PUM3: variants seen among roughly 807,000 people sequenced by gnomAD.
PUM3 encodes the protein pumilio RNA binding family member 3.
In PUM3, 91 loss-of-function variants were observed where a neutral mutation model predicts 84.0. That is an observed-to-expected ratio of 1.08 (90% CI 0.91 to 1.29). The LOEUF (loss-of-function observed/expected upper bound fraction) is 1.29. PUM3 is among the 50% of genes most tolerant of loss of function. PUM3 has a pLI of 0.00. For synonymous variants in PUM3, 321 were observed against 266.7 expected (o/e 1.20, Z -1.98); for missense variants, 1,067 against 767.5 (o/e 1.39, Z -4.61).
At position 2,843,470 on chromosome 9, in the gene PUM3, G is replaced by T. The variant is rs1425973649; in HGVS notation, c.-11+575C>A. ...GGGGTTTGTGAAGTAGCACAGACAG[G>T]CTGATCAGGCCGAGCACGGGCTGGG... On this transcript the variant is annotated intron_variant, in intron 1 of 17. Coordinates refer to ENST00000397885, the MANE Select transcript of PUM3 (RefSeq NM_014878.5). Among the ~76,000 whole-genome samples the T allele has an allele frequency of 5.3e-5, 8 of 152,138 alleles. No individual in the cohort carries two copies. The East Asian group carries it at 1.5e-3, about 29-fold the overall frequency.
At chr9:2,813,801 C>A (rs368745301) in intron 13 of PUM3, among the ~76,000 whole-genome samples, 1 of 151,494 alleles carries the variant, frequency 6.6e-6, no homozygotes, top group Admixed American at 6.6e-5. Flanking sequence ...AAAATCTCAA[C>A]CTTCCCTCAT....
At chr9:2,823,169 T>A (rs1292970910) in intron 12 of PUM3, among the ~76,000 whole-genome samples, 3 of 151,902 alleles carry the variant, frequency 2.0e-5, no homozygotes, top group South Asian at 2.1e-4. Flanking sequence ...GCATGAAAAA[T>A]TATTTAATAA....
At position 2,828,724 on chromosome 9, in the gene PUM3, CT is replaced by C; in HGVS notation, c.906del (p.Glu303AsnfsTer7). 1 of 1,609,818 alleles carries C rather than the reference CT, an allele frequency of 6.2e-7. No homozygotes were observed. The highest frequency in any genetic ancestry group is 8.5e-7 in the Non-Finnish European group (1 of 1,176,246). On this transcript the variant is annotated frameshift_variant, in exon 9 of 18. Transcript: ENST00000397885. LOFTEE classifies it high-confidence loss of function. ...TGTTTCATTTCATCCATAATAAGTT[CT>C]AATTTTTCTGGCTGTACCTCTAACA... ...DKVLEVQPEK[L>X]ELIMDEMKQI...
rs189253791 is a variant in PUM3, at chr9:2,812,495, T to C, written c.1270-133A>G. 141 of 634,078 alleles carry C rather than the reference T, an allele frequency of 2.2e-4. No individual in the cohort carries two copies. The African/African-American group carries it at 2.3e-3, about 10-fold the overall frequency. 39.3% of individuals were successfully genotyped at this position (634,078 alleles called of 1,614,324 possible). On this transcript the variant is annotated intron_variant, in intron 13 of 17. Transcript: ENST00000397885. ...GATAATTTCCTATAAAATTATAGTA[T>C]ATGTGCTGCCAAAGTGAGCACAATG...
chr9:2,839,995 G>A (rs1329823464), intron 1 of PUM3, among the ~76,000 whole-genome samples: 2 of 152,084 alleles, frequency 1.3e-5, no homozygotes, highest in African/African-American at 4.8e-5. Flanking sequence ...TCCTCTTTCT[G>A]TACCAGGATA....
At chr9:2,809,036 C>T (rs972504765) in intron 16 of PUM3, among the ~76,000 whole-genome samples, 3 of 152,178 alleles carry the variant, frequency 2.0e-5, no homozygotes, top group Admixed American at 1.3e-4. Context: ...AGTCAGTACT[C>T]ACTTGCCAGC....
At position 2,830,997 on chromosome 9, in the gene PUM3, A is replaced by G. The variant is rs1169021733; in HGVS notation, c.642T>C (p.Tyr214=). Residue 214 remains tyrosine, a synonymous_variant, in exon 7 of 18, where the codon TAT becomes TAC. Coordinates refer to ENST00000397885, the MANE Select transcript of PUM3 (RefSeq NM_014878.5). ...GAAATTTCTTAACAATATTTCTCGA[A>G]TATTTGGCTTTACTTAACTCAACCA... The part of the protein sequence containing the change: ...DDLVELSKAK[Y]SRNIVKKFLM... The G allele has an allele frequency of 6.7e-7, 1 of 1,491,584 alleles. No homozygotes were observed. Among genetic ancestry groups the G allele is most frequent in the Non-Finnish European group, 9.3e-7 (1 of 1,074,532 alleles). 92.4% of individuals were successfully genotyped at this position (1,491,584 alleles called of 1,614,324 possible). A position where few individuals can be genotyped will look rare whatever the true frequency, so the allele number is the denominator to read the frequency against.
At chr9:2,816,799 G>T (rs955810396) in intron 13 of PUM3, among the ~76,000 whole-genome samples, 26 of 152,268 alleles carry the variant, frequency 1.7e-4, no homozygotes, top group African/African-American at 5.3e-4. Context: ...GAGTGGGTGG[G>T]GAGACCACAT....
Position 2,838,481 on chromosome 9 carries a change from G to T in PUM3, c.27C>A (p.Phe9Leu), listed in dbSNP as rs1376951133. The T allele has an allele frequency of 6.2e-7, 1 of 1,613,266 alleles. No homozygotes were observed. The highest frequency in any genetic ancestry group is 8.5e-7 in the Non-Finnish European group (1 of 1,179,586). MEVKGKKQ[F>L]TGKSTKTAQE... ...GTGCTGTCTTTGTACTCTTTCCTGT[G>T]AATTGCTTTTTCCCTTTAACTTCCA... Residue 9 changes from phenylalanine (F) to leucine (L), a missense_variant, in exon 2 of 18, where the codon TTC (phenylalanine) becomes TTA (leucine). Transcript: ENST00000397885.
At chr9:2,842,754 T>C (rs543011494) in intron 1 of PUM3, among the ~76,000 whole-genome samples, 1 of 152,274 alleles carries the variant, frequency 6.6e-6, no homozygotes, top group South Asian at 2.1e-4. Flanking sequence ...ATACCTCTAA[T>C]TATGTGTCTA....
chr9:2,837,207 T>C lies in PUM3; in HGVS notation c.277A>G (p.Lys93Glu). 1.2e-6 allele frequency: 2 copies of C among 1,614,152 alleles called. No homozygotes were observed. Among genetic ancestry groups the C allele is most frequent in the African/African-American group, 1.3e-5 (1 of 75,068 alleles). The change falls in exon 3 of 18, where the codon AAA becomes GAA. Residue 93 changes from lysine to glutamate, a missense_variant. Transcript: ENST00000397885. ...QPANKFNKKR[K>E]FQPDGRSDES... is the part of the protein sequence containing the mutation. ...TCGCTTCTACCATCTGGCTGGAATT[T>C]TCTCTTCTTGTTGAATTTATTTGCC...
intron 5 of PUM3, among the ~76,000 whole-genome samples, chr9:2,832,435 C>T (rs1286346857): frequency 2.6e-5 from 4 of 152,132 alleles, no homozygotes; most frequent in Non-Finnish European, 4.4e-5. Context: ...ATACAGTAAA[C>T]GACACAATGC....
At chr9:2,841,662 A>C (rs1253908157) in intron 1 of PUM3, among the ~76,000 whole-genome samples, 2 of 151,404 alleles carry the variant, frequency 1.3e-5, no homozygotes, top group Non-Finnish European at 2.9e-5. Flanking sequence ...TTACTTGCTA[A>C]CTTTAGCATT....
intron 11 of PUM3, 56 bp from the exon 12 acceptor site, chr9:2,823,890 GTAGT>G: frequency 1.2e-6 from 1 of 856,832 alleles, no homozygotes; most frequent in Non-Finnish European, 1.8e-6. Context: ...AGGGTATTTT[GTAGT>G]TAAACATTTT....
chr9:2,810,316 C>T, intron 16 of PUM3, 28 bp downstream of exon 16: 2 of 1,438,282 alleles, frequency 1.4e-6, no homozygotes, highest in Non-Finnish European at 2.0e-6. Flanking sequence ...ACATGAGATA[C>T]AAGAAAAGGT....
rs1821392477 is a variant in PUM3, at chr9:2,812,360, T to G, written c.1272A>C (p.Glu424Asp). 6.4e-7 allele frequency: 1 copy of G among 1,558,200 alleles called. No homozygotes were observed. Among genetic ancestry groups the G allele is most frequent in the African/African-American group, 1.4e-5 (1 of 72,766 alleles). ...CTATGCTAGGCAATGAACTGATAAT[T>G]TCCTATAAAATTATAAACAAAAAAA... The part of the protein sequence containing the change: ...TKLVKQIIIS[E>D]IISSLPSIVN... Residue 424 changes from glutamate (E) to aspartate (D), a missense_variant and splice_region_variant, in exon 14 of 18, where the codon GAA (glutamate) becomes GAC (aspartate). Coordinates refer to ENST00000397885, the MANE Select transcript of PUM3 (RefSeq NM_014878.5).
At position 2,829,919 on chromosome 9, in the gene PUM3, C is replaced by T; in HGVS notation, c.707G>A (p.Arg236Lys). 2.5e-6 allele frequency: 4 copies of T among 1,613,434 alleles called. No homozygotes were observed. Among genetic ancestry groups the T allele is most frequent in the Non-Finnish European group, 3.4e-6 (4 of 1,179,536 alleles). The change falls in exon 8 of 18, where the codon AGA becomes AAA. Residue 236 changes from arginine to lysine, a missense_variant. Physicochemically the swap from Arg to Lys is conservative, Grantham distance 26. Transcript: ENST00000397885. ...GSKPQIAEII[R>K]SFKGHVRKML... ...CTTCCTCACGTGGCCTTTAAAACTT[C>T]TGATTATCTCTGCAATCTGTGGTTT...
rs1487605478 is a variant in PUM3, at chr9:2,804,207, G to C, written c.*124C>G. On this transcript the variant is annotated 3_prime_UTR_variant, in exon 18 of 18. Coordinates refer to ENST00000397885, the MANE Select transcript of PUM3 (RefSeq NM_014878.5). ...TTATATAAATAGATTCGTATACAAA[G>C]AAGAAACACATATACAGAGTACCCC... The C allele has an allele frequency of 1.1e-6, 1 of 882,308 alleles. No homozygotes were observed. The highest frequency in any genetic ancestry group is 1.7e-5 in the African/African-American group (1 of 59,130). 54.7% of individuals were successfully genotyped at this position (882,308 alleles called of 1,614,324 possible).
At chr9:2,818,942 C>A (rs945266427) in intron 13 of PUM3, among the ~76,000 whole-genome samples, 1 of 152,222 alleles carries the variant, frequency 6.6e-6, no homozygotes, top group Non-Finnish European at 1.5e-5. Flanking sequence ...CACCACCTGA[C>A]AACAGGTAAA....
Sources: allele counts gnomAD v4.1 joint callset (sites outside exome capture counted in the v4.1 genomes callset), GRCh38; gene constraint gnomAD v4.1.1; transcripts MANE v1.5; gene names NCBI Gene and HGNC (gene_info 2026-07-23, HGNC 2026-07-21).